The following NALF1 variants were observed in gnomAD, a reference collection of about 807,000 sequenced individuals.
The protein encoded by NALF1 is NALCN channel auxiliary factor 1.
A neutral mutation model predicts 48.4 loss-of-function variants in NALF1; 3 were observed. The observed-to-expected ratio is 0.06, with a 90% CI of 0.03 to 0.16. NALF1 has a LOEUF of 0.16. NALF1 is among the 10% of genes least tolerant of loss of function. The pLI is 1.00. For missense variants in NALF1, 526 were observed against 571.5 expected (o/e 0.92, Z 0.81); for synonymous variants, 262 against 245.7 (o/e 1.07, Z -0.62).
At chr13:107,591,804 A>G (rs1027346579) in intron 1 of NALF1, among the ~76,000 whole-genome samples, 1 of 152,190 alleles carries the variant, frequency 6.6e-6, no homozygotes, top group Middle Eastern at 3.4e-3. Context: ...TCTAAAAATT[A>G]AACATTGTCT....
At chr13:107,757,786 T>G (rs1471937263) in intron 1 of NALF1, among the ~76,000 whole-genome samples, 2 of 152,184 alleles carry the variant, frequency 1.3e-5, no homozygotes, top group Non-Finnish European at 2.9e-5. Flanking sequence ...ATCTATCAAA[T>G]GAATCCACTT....
chr13:107,610,204 T>C (rs1197288776), intron 1 of NALF1, among the ~76,000 whole-genome samples: 2 of 152,292 alleles, frequency 1.3e-5, no homozygotes, highest in East Asian at 3.9e-4. Flanking sequence ...CTGGGCAGTA[T>C]CTAATGTAAC....
intron 2 of NALF1, among the ~76,000 whole-genome samples, chr13:107,203,316 C>T (rs918761378): frequency 3.9e-4 from 59 of 152,152 alleles, no homozygotes; most frequent in Non-Finnish European, 3.8e-4. Context: ...TGCAGGGAAA[C>T]CTTTGTCACG....
At chr13:107,341,421 G>A (rs1882678895) in intron 1 of NALF1, among the ~76,000 whole-genome samples, 1 of 151,824 alleles carries the variant, frequency 6.6e-6, no homozygotes, top group Admixed American at 6.6e-5. Flanking sequence ...TGTTAAGAGG[G>A]GAAGTTCTAG....
intron 2 of NALF1, among the ~76,000 whole-genome samples, chr13:107,208,259 G>A (rs933997297): frequency 2.0e-5 from 3 of 152,076 alleles, no homozygotes; most frequent in Non-Finnish European, 4.4e-5. Context: ...ATCCTAGGGG[G>A]CCTCTCACGG....
intron 1 of NALF1, among the ~76,000 whole-genome samples, chr13:107,266,113 G>T (rs1484983881): frequency 6.6e-6 from 1 of 152,124 alleles, no homozygotes; most frequent in Non-Finnish European, 1.5e-5. Context: ...CAGCAATCAG[G>T]GCGACGTAAC....
At chr13:107,284,529 G>A (rs1043299760) in intron 1 of NALF1, among the ~76,000 whole-genome samples, 1 of 152,180 alleles carries the variant, frequency 6.6e-6, no homozygotes, top group African/African-American at 2.4e-5. Flanking sequence ...ATCAGTAAGA[G>A]ATGGAAACCA....
chr13:107,724,661 A>T (rs1876098399), intron 1 of NALF1, among the ~76,000 whole-genome samples: 1 of 151,864 alleles, frequency 6.6e-6, no homozygotes, highest in Non-Finnish European at 1.5e-5. Context: ...TCCCAGGCTC[A>T]AGCGATCCTT....
chr13:107,356,439 C>T (rs1362695464), intron 1 of NALF1, among the ~76,000 whole-genome samples: 1 of 152,114 alleles, frequency 6.6e-6, no homozygotes, highest in Non-Finnish European at 1.5e-5. Flanking sequence ...AGATGCTTTT[C>T]GATTACTATA....
At chr13:107,358,069 C>A (rs543284450) in intron 1 of NALF1, among the ~76,000 whole-genome samples, 1 of 151,870 alleles carries the variant, frequency 6.6e-6, no homozygotes, top group Non-Finnish European at 1.5e-5. Context: ...TATTTATATA[C>A]GCATATATAT....
intron 1 of NALF1, among the ~76,000 whole-genome samples, chr13:107,422,797 T>C (rs1296425480): frequency 1.3e-5 from 2 of 152,042 alleles, no homozygotes; most frequent in Non-Finnish European, 1.5e-5. Context: ...CAATGTTCCT[T>C]ATAAGGGAAA....
At chr13:107,375,216 G>T (rs1883316751) in intron 1 of NALF1, among the ~76,000 whole-genome samples, 3 of 152,148 alleles carry the variant, frequency 2.0e-5, no homozygotes, top group Admixed American at 6.5e-5. Flanking sequence ...GTGTGTATGT[G>T]CATATGTATT....
At chr13:107,296,645 T>C (rs1881732042) in intron 1 of NALF1, among the ~76,000 whole-genome samples, 1 of 152,198 alleles carries the variant, frequency 6.6e-6, no homozygotes, top group African/African-American at 2.4e-5. Context: ...AGCAATGAGC[T>C]ATCAACTGAC....
intron 1 of NALF1, among the ~76,000 whole-genome samples, chr13:107,621,920 T>G (rs1484746385): frequency 6.6e-6 from 1 of 152,094 alleles, no homozygotes. Context: ...CACGGATAAC[T>G]GGGAATGAGA....
chr13:107,579,854 G>A (rs1878255464), intron 1 of NALF1, among the ~76,000 whole-genome samples: 1 of 151,860 alleles, frequency 6.6e-6, no homozygotes, highest in Non-Finnish European at 1.5e-5. Flanking sequence ...TGGTGGGACT[G>A]TAAACTAGTT....
chr13:107,813,411 C>T (rs1440318216), intron 1 of NALF1, among the ~76,000 whole-genome samples: 2 of 152,124 alleles, frequency 1.3e-5, no homozygotes, highest in African/African-American at 4.8e-5. Context: ...TATTTAATTC[C>T]TCCTGTAACA....
intron 1 of NALF1, among the ~76,000 whole-genome samples, chr13:107,526,288 G>C (rs1167986926): frequency 6.6e-6 from 1 of 152,046 alleles, no homozygotes; most frequent in Non-Finnish European, 1.5e-5. Context: ...CTACCACAGT[G>C]CCTCTGAACT....
chr13:107,436,175 GCCTAAA>G (rs1884461558), intron 1 of NALF1, among the ~76,000 whole-genome samples: 1 of 152,126 alleles, frequency 6.6e-6, no homozygotes, highest in Non-Finnish European at 1.5e-5. Context: ...TTAAATAACT[GCCTAAA>G]CCTAAACCTG....
chr13:107,831,131 T>G (rs532130322), intron 1 of NALF1, among the ~76,000 whole-genome samples: 1 of 152,318 alleles, frequency 6.6e-6, no homozygotes, highest in East Asian at 1.9e-4. Flanking sequence ...ACACTTTTCC[T>G]ACTCTGAATA....
Sources: allele counts gnomAD v4.1 joint callset (sites outside exome capture counted in the v4.1 genomes callset), GRCh38; gene constraint gnomAD v4.1.1; transcripts MANE v1.5; gene names NCBI Gene and HGNC (gene_info 2026-07-23, HGNC 2026-07-21).